The following NTRK2 variants were observed in gnomAD, a reference collection of about 807,000 sequenced individuals.
NTRK2 encodes BDNF/NT-3 growth factors receptor.
A neutral mutation model predicts 94.5 loss-of-function variants in NTRK2; 13 were observed. That is an observed-to-expected ratio of 0.14 (90% CI 0.09 to 0.22). The LOEUF is 0.22. NTRK2 is among the 10% of genes least tolerant of loss of function. NTRK2 has a pLI of 1.00. For synonymous variants in NTRK2, 372 were observed against 407.4 expected (o/e 0.91, Z 1.05); for missense variants, 639 against 1,071.2 (o/e 0.60, Z 5.63).
chr9:84,926,724 T>C (rs1480267268), intron 14 of NTRK2, among the ~76,000 whole-genome samples: 1 of 152,224 alleles, frequency 6.6e-6, no homozygotes. Flanking sequence ...TTTTACATGT[T>C]CGTGTTATTA....
upstream of NTRK2, chr9:84,668,754 C>T (rs1000049496): frequency 5.3e-5 from 8 of 152,206 alleles, no homozygotes; most frequent in African/African-American, 1.9e-4. Context: ...CACGCGTTCG[C>T]GCACACCCTA....
At chr9:84,790,613 T>C (rs1017195635) in intron 12 of NTRK2, among the ~76,000 whole-genome samples, 1 of 152,222 alleles carries the variant, frequency 6.6e-6, no homozygotes, top group Non-Finnish European at 1.5e-5. Context: ...GCTGGTCTTT[T>C]TTAGAGTTTT....
At chr9:84,928,109 G>C (rs999768553) in intron 14 of NTRK2, among the ~76,000 whole-genome samples, 2 of 151,988 alleles carry the variant, frequency 1.3e-5, no homozygotes, top group African/African-American at 4.8e-5. Flanking sequence ...TTCTTGTTCT[G>C]GTGTGTTTTA....
At chr9:84,886,478 G>A (rs1217467688) in intron 14 of NTRK2, among the ~76,000 whole-genome samples, 1 of 152,180 alleles carries the variant, frequency 6.6e-6, no homozygotes, top group African/African-American at 2.4e-5. Flanking sequence ...AATTATCACC[G>A]AAGCTCAGGG....
At chr9:84,830,079 C>T (rs1385572391) in intron 12 of NTRK2, among the ~76,000 whole-genome samples, 2 of 152,158 alleles carry the variant, frequency 1.3e-5, no homozygotes, top group South Asian at 2.1e-4. Context: ...CCTATCATCT[C>T]GCTGGTTGAA....
intron 17 of NTRK2, 159 bp downstream of exon 17, chr9:84,955,676 C>T (rs2132983140): frequency 2.7e-6 from 2 of 738,540 alleles, no homozygotes; most frequent in East Asian, 5.4e-5. Flanking sequence ...AGTCCAAGCT[C>T]AAGGTGTGAG....
chr9:84,813,622 T>C (rs1341523190), intron 12 of NTRK2: 11 of 1,066,130 alleles, frequency 1.0e-5, no homozygotes, highest in Middle Eastern at 4.2e-4. Flanking sequence ...CCCACCATGC[T>C]GTGACCCTCA....
chr9:84,811,480 C>G, intron 12 of NTRK2: 2 of 1,065,640 alleles, frequency 1.9e-6, no homozygotes, highest in Non-Finnish European at 2.3e-6. Flanking sequence ...TGCGATCCAC[C>G]TGCTTTTTAG....
At position 85,020,326 on chromosome 9, in the gene NTRK2, T is replaced by A. The variant is rs2117943081; in HGVS notation, c.2293T>A (p.Tyr765Asn). 6.2e-7 allele frequency: 1 copy of A among 1,614,126 alleles called. No homozygotes were observed. Among genetic ancestry groups the A allele is most frequent in the Non-Finnish European group, 8.5e-7 (1 of 1,180,026 alleles). Residue 765 changes from tyrosine to asparagine, a missense_variant, in exon 18 of 19, where the codon TAT becomes AAT. This residue lies in a region of NTRK2 where 77 missense variants were observed against 203.6 expected (regional missense o/e 0.38). Coordinates refer to ENST00000277120, the MANE Select transcript of NTRK2 (RefSeq NM_006180.6). ...GGTCGTGTTGTGGGAGATTTTCACC[T>A]ATGGCAAACAGCCCTGGTACCAGCT... ...LGVVLWEIFT[Y>N]GKQPWYQLSN...
intron 17 of NTRK2, among the ~76,000 whole-genome samples, chr9:84,971,022 C>T (rs960867370): frequency 3.3e-5 from 5 of 152,184 alleles, no homozygotes; most frequent in African/African-American, 1.2e-4. Flanking sequence ...GAGTGCCACA[C>T]TTACATTGTC....
intron 14 of NTRK2, among the ~76,000 whole-genome samples, chr9:84,885,318 T>C (rs1004618305): frequency 6.6e-6 from 1 of 152,216 alleles, no homozygotes; most frequent in African/African-American, 2.4e-5. Flanking sequence ...AATCAAGTGC[T>C]AAATCACGAG....
intron 14 of NTRK2, chr9:84,875,785 G>A: frequency 1.9e-6 from 2 of 1,049,728 alleles, no homozygotes; most frequent in South Asian, 9.2e-5. Context: ...CTCTCCTGAT[G>A]TCTCAGGCCT....
At chr9:84,854,836 A>G (rs1429427778) in intron 12 of NTRK2, among the ~76,000 whole-genome samples, 1 of 150,458 alleles carries the variant, frequency 6.6e-6, no homozygotes, top group African/African-American at 2.5e-5. Flanking sequence ...AATCCCAGCT[A>G]CTCTAGAGGC....
At chr9:84,934,946 A>C (rs2078165760) in intron 15 of NTRK2, among the ~76,000 whole-genome samples, 1 of 152,186 alleles carries the variant, frequency 6.6e-6, no homozygotes, top group East Asian at 1.9e-4. Context: ...CTTCAATTAG[A>C]TAATCATTAT....
At chr9:84,986,606 C>G (rs371966192) in intron 17 of NTRK2, among the ~76,000 whole-genome samples, 1 of 141,980 alleles carries the variant, frequency 7.0e-6, no homozygotes, top group African/African-American at 2.6e-5. Context: ...AGGGATTGCT[C>G]CAGTCACAAC....
At chr9:84,723,493 A>G in intron 6 of NTRK2, 80 bp from the exon 7 acceptor site, 1 of 1,496,622 alleles carries the variant, frequency 6.7e-7, no homozygotes. Context: ...AAGCATAAAC[A>G]GTTTTCAATT....
intron 12 of NTRK2, among the ~76,000 whole-genome samples, chr9:84,793,428 A>G (rs1388849220): frequency 6.6e-6 from 1 of 152,134 alleles, no homozygotes; most frequent in Non-Finnish European, 1.5e-5. Context: ...AAGCACTACT[A>G]TGTCTGCACT....
At chr9:84,889,739 A>G (rs1279854276) in intron 14 of NTRK2, among the ~76,000 whole-genome samples, 2 of 152,254 alleles carry the variant, frequency 1.3e-5, no homozygotes, top group Non-Finnish European at 2.9e-5. Flanking sequence ...AAATGTGGAC[A>G]TCACATATCA....
chr9:85,012,301 T>C (rs1831704597), intron 17 of NTRK2, among the ~76,000 whole-genome samples: 1 of 152,100 alleles, frequency 6.6e-6, no homozygotes, highest in South Asian at 2.1e-4. Flanking sequence ...TATTTATTTT[T>C]AAGGAAGGCT....
Sources: allele counts gnomAD v4.1 joint callset (sites outside exome capture counted in the v4.1 genomes callset), GRCh38; gene constraint gnomAD v4.1.1; regional missense constraint gnomAD v4.1.1; transcripts MANE v1.5; gene names NCBI Gene and HGNC (gene_info 2026-07-23, HGNC 2026-07-21).